RPSA2: variants seen among roughly 807,000 people sequenced by gnomAD.
RPSA2 encodes the protein small ribosomal subunit protein uS2B.
the RPSA2 span, among the ~76,000 whole-genome samples, chr19:23,793,697 C>G: frequency 0.98 from 148,858 of 152,178 alleles, 72,897 homozygotes; most frequent in Middle Eastern, 1. Flanking sequence ...TGAATAGCTG[C>G]TATTACAGGT....
At chr19:23,816,802 C>T in the RPSA2 span, among the ~76,000 whole-genome samples, 1 of 152,118 alleles carries the variant, frequency 6.6e-6, no homozygotes, top group Non-Finnish European at 1.5e-5. Flanking sequence ...AGAGCTTGTG[C>T]AGAAAAACTC....
the RPSA2 span, among the ~76,000 whole-genome samples, chr19:23,861,761 T>C: frequency 2.0e-5 from 3 of 152,118 alleles, no homozygotes; most frequent in Non-Finnish European, 4.4e-5. Context: ...AAATATTAGC[T>C]AAAATGAGCT....
the RPSA2 span, among the ~76,000 whole-genome samples, chr19:23,868,026 A>T: frequency 0.14 from 21,548 of 152,198 alleles, 1,949 homozygotes; most frequent in Non-Finnish European, 0.21. Flanking sequence ...GGACATTTAG[A>T]GGAGTCAGTT....
At chr19:23,815,501 A>C in the RPSA2 span, among the ~76,000 whole-genome samples, 1 of 152,182 alleles carries the variant, frequency 6.6e-6, no homozygotes, top group East Asian at 1.9e-4. Context: ...TGACATGTAC[A>C]GTTACTCTTC....
the RPSA2 span, among the ~76,000 whole-genome samples, chr19:23,787,093 AG>A: frequency 5.9e-5 from 9 of 152,080 alleles, no homozygotes; most frequent in African/African-American, 2.2e-4. Context: ...GAGAAATTGT[AG>A]CATATTGCTA....
At chr19:23,780,112 A>G in the RPSA2 span, among the ~76,000 whole-genome samples, 2 of 152,168 alleles carry the variant, frequency 1.3e-5, no homozygotes, top group African/African-American at 4.8e-5. Context: ...AGCTAGGCTT[A>G]CAAAAAGGAG....
At chr19:23,760,871 G>A in the RPSA2 span, among the ~76,000 whole-genome samples, 1 of 150,880 alleles carries the variant, frequency 6.6e-6, no homozygotes, top group Non-Finnish European at 1.5e-5. Context: ...TACCATTTTG[G>A]GCAGGCTGGT....
the RPSA2 span, among the ~76,000 whole-genome samples, chr19:23,825,812 C>T: frequency 6.6e-6 from 1 of 152,116 alleles, no homozygotes; most frequent in Admixed American, 6.5e-5. Flanking sequence ...TGGTCTTGAA[C>T]TCCCAACCTC....
the RPSA2 span, among the ~76,000 whole-genome samples, chr19:23,845,611 C>T: frequency 1.0e-3 from 152 of 152,324 alleles, 1 homozygote; most frequent in Admixed American, 2.4e-3. Context: ...TTTATCTCAG[C>T]CTCCTGAGTA....
the RPSA2 span, among the ~76,000 whole-genome samples, chr19:23,816,129 T>G: frequency 6.6e-6 from 1 of 152,092 alleles, no homozygotes; most frequent in Non-Finnish European, 1.5e-5. Context: ...TTTCATTTAT[T>G]TACTTGTTTA....
chr19:23,761,140 T>C, the RPSA2 span, among the ~76,000 whole-genome samples: 5 of 151,496 alleles, frequency 3.3e-5, no homozygotes, highest in Non-Finnish European at 4.4e-5. Flanking sequence ...CAGGCTGAAG[T>C]GTAGTGGCTG....
the RPSA2 span, among the ~76,000 whole-genome samples, chr19:23,816,082 T>G: frequency 2.0e-5 from 3 of 152,122 alleles, no homozygotes; most frequent in Non-Finnish European, 4.4e-5. Flanking sequence ...TGCTTTTTTC[T>G]TAAGCTAGTA....
the RPSA2 span, chr19:23,799,286 T>G: frequency 1.3e-5 from 2 of 152,262 alleles, no homozygotes; most frequent in Non-Finnish European, 2.9e-5. Flanking sequence ...CCTATTAGTA[T>G]CCCATAATGT....
the RPSA2 span, among the ~76,000 whole-genome samples, chr19:23,828,674 T>C: frequency 6.6e-6 from 1 of 151,216 alleles, no homozygotes; most frequent in African/African-American, 2.4e-5. Flanking sequence ...TCCTAAGATG[T>C]GGTCTTTCAA....
At chr19:23,824,935 G>T in the RPSA2 span, among the ~76,000 whole-genome samples, 1 of 150,772 alleles carries the variant, frequency 6.6e-6, no homozygotes, top group Non-Finnish European at 1.5e-5. Flanking sequence ...CCTAAATCTA[G>T]TTGATGGTTA....
the RPSA2 span, among the ~76,000 whole-genome samples, chr19:23,793,714 C>G: frequency 1.3e-5 from 2 of 152,094 alleles, no homozygotes; most frequent in Admixed American, 6.5e-5. Context: ...AGGTGCCCAC[C>G]ACCATCATGC....
chr19:23,869,955 C>T, the RPSA2 span, among the ~76,000 whole-genome samples: 1 of 152,174 alleles, frequency 6.6e-6, no homozygotes, highest in Non-Finnish European at 1.5e-5. Context: ...CTCAATTGAC[C>T]TTAAATCTTG....
chr19:23,832,099 A>C, the RPSA2 span: 1 of 452,048 alleles, frequency 2.2e-6, no homozygotes, highest in Non-Finnish European at 4.5e-6. Flanking sequence ...CTCAACCCTT[A>C]CTACACATAA....
the RPSA2 span, chr19:23,831,991 A>T: frequency 2.6e-6 from 1 of 388,680 alleles, no homozygotes; most frequent in South Asian, 2.4e-5. Context: ...ATGTGGAAAA[A>T]CCTTTAATTG....
Sources: allele counts gnomAD v4.1 joint callset (sites outside exome capture counted in the v4.1 genomes callset), GRCh38; gene constraint gnomAD v4.1.1; transcripts MANE v1.5; gene names NCBI Gene and HGNC (gene_info 2026-07-23, HGNC 2026-07-21).